PRKG1: variants seen among roughly 807,000 people sequenced by gnomAD.
PRKG1 encodes the protein cGMP-dependent protein kinase 1.
Under a neutral mutation model 88.1 loss-of-function variants are expected in PRKG1, and 35 were observed. The ratio of observed to expected loss-of-function variants is 0.40; its 90% CI spans 0.30 to 0.53. The LOEUF is 0.53. Ranked by LOEUF, PRKG1 falls within the 20% of genes least tolerant of loss-of-function variation. PRKG1 has a pLI of 0.59. For missense variants in PRKG1, 540 were observed against 839.8 expected (o/e 0.64, Z 4.41); for synonymous variants, 303 against 292.5 (o/e 1.04, Z -0.37).
Position 52,293,381 on chromosome 10 carries a change from T to G in PRKG1, c.1963-421T>G, listed in dbSNP as rs546182259. On this transcript the variant is annotated intron_variant, in intron 17 of 17. Transcript: ENST00000373980. ...AATGCCATCCCCATCAAGCTACCAA[T>G]GACTTTCTTCACAGAATTGGAAAAA... Among the ~76,000 whole-genome samples the G allele has an allele frequency of 1.6e-3, 237 of 151,570 alleles. 1 individual carries two copies. The highest frequency in any genetic ancestry group is 0.01 in the Middle Eastern group (3 of 294).
intron 4 of PRKG1, among the ~76,000 whole-genome samples, chr10:51,809,329 G>A (rs1211049370): frequency 1.3e-5 from 2 of 151,606 alleles, no homozygotes; most frequent in African/African-American, 4.9e-5. Context: ...TACTAAGCAT[G>A]GCATAATTGC....
chr10:51,316,042 A>G (rs1841308116), intron 2 of PRKG1, among the ~76,000 whole-genome samples: 1 of 152,246 alleles, frequency 6.6e-6, no homozygotes, highest in South Asian at 2.1e-4. Context: ...ACTAACCAGT[A>G]ACATTCCCAG....
chr10:51,387,883 T>C (rs1837293374), intron 2 of PRKG1, among the ~76,000 whole-genome samples: 1 of 152,198 alleles, frequency 6.6e-6, no homozygotes, highest in African/African-American at 2.4e-5. Flanking sequence ...TATATTTTAT[T>C]ATTAATAATA....
At chr10:51,159,416 G>A (rs533801239) in intron 2 of PRKG1, among the ~76,000 whole-genome samples, 5 of 151,982 alleles carry the variant, frequency 3.3e-5, no homozygotes, top group Non-Finnish European at 5.9e-5. Flanking sequence ...CTTTAGAATC[G>A]TTGAAATACA....
intron 3 of PRKG1, among the ~76,000 whole-genome samples, chr10:51,574,801 G>A (rs1015121327): frequency 6.6e-6 from 1 of 151,882 alleles, no homozygotes; most frequent in Admixed American, 6.6e-5. Context: ...TAAATCTGAA[G>A]CACATTTTAT....
chr10:51,678,532 C>T (rs538016945), intron 3 of PRKG1, among the ~76,000 whole-genome samples: 2 of 152,150 alleles, frequency 1.3e-5, no homozygotes, highest in African/African-American at 2.4e-5. Context: ...AATATGCAGT[C>T]AGCATCGGAA....
chr10:52,099,101 G>T (rs774105100), intron 7 of PRKG1, among the ~76,000 whole-genome samples: 7 of 152,160 alleles, frequency 4.6e-5, no homozygotes, highest in Admixed American at 1.3e-4. Context: ...AAAATAGCTG[G>T]ACTGTTACAA....
chr10:51,794,008 C>T (rs967104697), intron 3 of PRKG1, among the ~76,000 whole-genome samples: 1 of 152,068 alleles, frequency 6.6e-6, no homozygotes, highest in Non-Finnish European at 1.5e-5. Context: ...AGTTGATCTG[C>T]CCAGCTCAGT....
At chr10:51,125,982 T>C (rs1313705246) in intron 1 of PRKG1, among the ~76,000 whole-genome samples, 3 of 126,368 alleles carry the variant, frequency 2.4e-5, no homozygotes, top group African/African-American at 6.3e-5. Context: ...TATATATACA[T>C]ATAATTATAT....
intron 7 of PRKG1, among the ~76,000 whole-genome samples, chr10:52,078,133 GT>G (rs1380151023): frequency 3.3e-5 from 5 of 152,248 alleles, no homozygotes; most frequent in Admixed American, 2.6e-4. Context: ...AAGAATACAG[GT>G]TTTCTACCGC....
intron 2 of PRKG1, among the ~76,000 whole-genome samples, chr10:51,200,417 T>G (rs530276147): frequency 5.8e-4 from 88 of 152,182 alleles, no homozygotes; most frequent in Non-Finnish European, 1.1e-3. Context: ...TATGAAGGGT[T>G]TGAATGCTAA....
intron 7 of PRKG1, among the ~76,000 whole-genome samples, chr10:52,094,615 T>C (rs565388791): frequency 1.3e-5 from 2 of 152,308 alleles, no homozygotes; most frequent in South Asian, 4.1e-4. Flanking sequence ...ATTTATTTCC[T>C]CTTGATTCTA....
intron 14 of PRKG1, among the ~76,000 whole-genome samples, chr10:52,283,928 A>G (rs1488637324): frequency 6.6e-6 from 1 of 152,048 alleles, no homozygotes; most frequent in Non-Finnish European, 1.5e-5. Flanking sequence ...TAACTAGACT[A>G]AAATATTAAA....
intron 2 of PRKG1, among the ~76,000 whole-genome samples, chr10:51,189,177 G>A (rs1476566169): frequency 1.3e-5 from 2 of 151,816 alleles, no homozygotes; most frequent in Admixed American, 1.3e-4. Context: ...AGGAAAAGAG[G>A]ATGCTCATCT....
chr10:51,318,882 A>G (rs560914349), intron 2 of PRKG1, among the ~76,000 whole-genome samples: 3 of 152,338 alleles, frequency 2.0e-5, no homozygotes, highest in African/African-American at 7.2e-5. Flanking sequence ...TTTTGTTGAC[A>G]GAAGTCCTAC....
Position 51,590,088 on chromosome 10 carries a change from G to A in PRKG1, c.592+122252G>A, listed in dbSNP as rs527392956. Among the ~76,000 whole-genome samples the A allele has an allele frequency of 4.6e-5, 7 of 152,270 alleles. No homozygotes were observed. In the South Asian group the frequency reaches 1.5e-3, roughly 32 times the overall value. On this transcript the variant is annotated intron_variant, in intron 3 of 17. Coordinates refer to ENST00000373980, the MANE Select transcript of PRKG1 (RefSeq NM_006258.4). ...TTTGTGTGTTTAACAAGCAGAACTT[G>A]TCAAAAACAAGATTTTTTTCTCTTC... is the stretch of plus-strand genomic sequence containing the variant.
At chr10:51,193,378 C>A (rs1418563173) in intron 2 of PRKG1, among the ~76,000 whole-genome samples, 1 of 151,864 alleles carries the variant, frequency 6.6e-6, no homozygotes. Flanking sequence ...GGATCTTGAC[C>A]TTTTTAATAA....
In PRKG1 at chr10:51,207,933, C is replaced by T. The variant is rs536486202; in HGVS notation, c.478+54603C>T. Reference sequence around the variant, plus strand: ...AGTGTAGACATCTTATCTGAGTCCTCTCTTCAAAGGTAAGTTTTTAAAGGG... The same window carrying T: ...AGTGTAGACATCTTATCTGAGTCCTTTCTTCAAAGGTAAGTTTTTAAAGGG... On this transcript the variant is annotated intron_variant, in intron 2 of 17. Coordinates refer to ENST00000373980, the MANE Select transcript of PRKG1 (RefSeq NM_006258.4). Among the ~76,000 whole-genome samples, 14 of 152,286 alleles carry T rather than the reference C, an allele frequency of 9.2e-5. 1 individual carries two copies. In the South Asian group the frequency reaches 2.9e-3, roughly 32 times the overall value.
At chr10:51,347,044 G>A (rs1468607310) in intron 2 of PRKG1, among the ~76,000 whole-genome samples, 1 of 152,124 alleles carries the variant, frequency 6.6e-6, no homozygotes, top group East Asian at 1.9e-4. Context: ...TCAGCATCCT[G>A]AGTCTGGTTA....
Sources: gnomAD v4.1 joint callset for allele counts (sites outside exome capture counted in the v4.1 genomes callset) on GRCh38, gnomAD v4.1.1 for gene constraint, MANE v1.5 for transcripts, NCBI Gene and HGNC (gene_info 2026-07-23, HGNC 2026-07-21) for gene names.